KAT2B: variants seen among roughly 807,000 people sequenced by gnomAD.
KAT2B encodes histone acetyltransferase KAT2B.
A neutral mutation model predicts 105.9 loss-of-function variants in KAT2B; 36 were observed. That is an observed-to-expected ratio of 0.34 (90% CI 0.26 to 0.45). The LOEUF (loss-of-function observed/expected upper bound fraction) is 0.45, where lower values mean the gene tolerates loss of function less well. KAT2B is among the 20% of genes least tolerant of loss of function. The pLI is 1.00. For synonymous variants in KAT2B, 397 were observed against 377.9 expected (o/e 1.05, Z -0.59); for missense variants, 820 against 1,021.6 (o/e 0.80, Z 2.69).
chr3:20,050,007 C>G (rs541595016), intron 1 of KAT2B, among the ~76,000 whole-genome samples: 1 of 152,192 alleles, frequency 6.6e-6, no homozygotes, highest in East Asian at 1.9e-4. Context: ...CGAGACCAGC[C>G]TGGGCAACAC....
chr3:20,079,362 G>A (rs1381312727), intron 2 of KAT2B, among the ~76,000 whole-genome samples: 1 of 151,762 alleles, frequency 6.6e-6, no homozygotes, highest in Non-Finnish European at 1.5e-5. Context: ...CCACCACCAT[G>A]CCCGGCTAAT....
chr3:20,097,165 A>G (rs1339437407), intron 3 of KAT2B, among the ~76,000 whole-genome samples: 1 of 152,190 alleles, frequency 6.6e-6, no homozygotes, highest in Non-Finnish European at 1.5e-5. Context: ...AAGAAAAACA[A>G]GGTCTGCCTG....
chr3:20,050,005 G>T (rs376649395), intron 1 of KAT2B, among the ~76,000 whole-genome samples: 38 of 152,198 alleles, frequency 2.5e-4, no homozygotes, highest in East Asian at 2.1e-3. Context: ...TTCGAGACCA[G>T]CCTGGGCAAC....
At chr3:20,143,369 A>C (rs961447215) in intron 13 of KAT2B, among the ~76,000 whole-genome samples, 1 of 152,178 alleles carries the variant, frequency 6.6e-6, no homozygotes, top group African/African-American at 2.4e-5. Flanking sequence ...ATTATTAAGA[A>C]GTTAAAAAAA....
At chr3:20,118,746 AAG>A (rs1188214455) in intron 7 of KAT2B, among the ~76,000 whole-genome samples, 4,119 of 85,168 alleles carry the variant, frequency 0.048, 207 homozygotes, top group African/African-American at 0.095. Flanking sequence ...AAAAAAAAAA[AAG>A]AGAGAGAGCG....
At chr3:20,051,065 T>G (rs1280400894) in intron 1 of KAT2B, among the ~76,000 whole-genome samples, 3 of 151,868 alleles carry the variant, frequency 2.0e-5, no homozygotes, top group Non-Finnish European at 4.4e-5. Flanking sequence ...CTGGGCATGG[T>G]GGCACACACC....
intron 1 of KAT2B, among the ~76,000 whole-genome samples, chr3:20,071,007 TATA>T (rs1200214742): frequency 2.4e-5 from 2 of 83,462 alleles, no homozygotes; most frequent in Non-Finnish European, 4.9e-5. Flanking sequence ...AGACTCTGTA[TATA>T]AAAAAAAAAA....
intron 2 of KAT2B, among the ~76,000 whole-genome samples, chr3:20,083,699 A>T (rs1332234971): frequency 6.6e-6 from 1 of 152,154 alleles, no homozygotes; most frequent in Non-Finnish European, 1.5e-5. Flanking sequence ...ATTCCAATGG[A>T]AGAAAGGTAG....
intron 2 of KAT2B, among the ~76,000 whole-genome samples, chr3:20,093,318 C>G (rs889724628): frequency 5.3e-5 from 8 of 152,190 alleles, no homozygotes; most frequent in Non-Finnish European, 1.5e-5. Context: ...TGGTGTAGAA[C>G]ACTTACCTCA....
rs932334517 is a variant in KAT2B at position 20,111,966 on chromosome 3, T to C, written c.1043+179T>C. Among the ~76,000 whole-genome samples the C allele has an allele frequency of 2.6e-5, 4 of 152,214 alleles. 1 individual carries two copies. Among genetic ancestry groups the C allele is most frequent in the Admixed American group, 2.0e-4 (3 of 15,280 alleles). The stretch of plus-strand genomic sequence containing the variant: ...TCTTGGGTATTTTCCAGTCCATTTA[T>C]TAGCCTGACTTTGGGTTGACTGCCG... On this transcript the variant is annotated intron_variant, in intron 6 of 17. Transcript: ENST00000263754.
Position 20,146,398 on chromosome 3 carries a change from G to T in KAT2B, c.2087G>T (p.Arg696Leu). ...CTTTCATGTTTTAAAGATGGAGTTC[G>T]ACAGATTCCTATAGAAAGCATTCCT... ...PGLSCFKDGV[R>L]QIPIESIPGI... The change falls in exon 14 of 18, where the codon CGA becomes CTA. Residue 696 changes from arginine to leucine, a missense_variant. This residue lies in a region of KAT2B where 227 missense variants were observed against 292.9 expected (regional missense o/e 0.77). Coordinates refer to ENST00000263754, the MANE Select transcript of KAT2B (RefSeq NM_003884.5). The T allele has an allele frequency of 6.2e-7, 1 of 1,612,418 alleles. No homozygotes were observed. The highest frequency in any genetic ancestry group is 1.1e-5 in the South Asian group (1 of 91,014).
chr3:20,047,377 C>G (rs1364598838), intron 1 of KAT2B, among the ~76,000 whole-genome samples: 2 of 151,252 alleles, frequency 1.3e-5, no homozygotes, highest in African/African-American at 4.9e-5. Context: ...TAGCCTAAAC[C>G]AATGCTTTTA....
At chr3:20,100,025 T>C in intron 4 of KAT2B, 71 bp downstream of exon 4, 1 of 819,006 alleles carries the variant, frequency 1.2e-6, no homozygotes, top group Non-Finnish European at 2.1e-6. Flanking sequence ...TCCTTTTATA[T>C]CTCTATCTAC....
chr3:20,126,230 G>T, intron 10 of KAT2B, 117 bp downstream of exon 10: 1 of 807,254 alleles, frequency 1.2e-6, no homozygotes. Flanking sequence ...CTGTCTTGCT[G>T]TGGATACAGA....
intron 11 of KAT2B, among the ~76,000 whole-genome samples, chr3:20,127,755 G>C (rs1006609140): frequency 6.6e-6 from 1 of 152,136 alleles, no homozygotes; most frequent in Non-Finnish European, 1.5e-5. Flanking sequence ...ATTTTTCCAC[G>C]GGTCAGATTA....
intron 1 of KAT2B, among the ~76,000 whole-genome samples, chr3:20,055,195 T>C (rs1409486255): frequency 6.6e-6 from 1 of 152,052 alleles, no homozygotes; most frequent in Admixed American, 6.6e-5. Flanking sequence ...TGTGTGACTA[T>C]GGGGAGGTTA....
At chr3:20,103,686 T>C (rs1160265773) in intron 5 of KAT2B, among the ~76,000 whole-genome samples, 2 of 152,116 alleles carry the variant, frequency 1.3e-5, no homozygotes, top group Admixed American at 6.5e-5. Flanking sequence ...TGAGATTACA[T>C]GTGTGAGTCA....
In KAT2B at chr3:20,152,495, A is replaced by G. The variant is rs1448888975; in HGVS notation, c.2469A>G (p.Lys823=). 9 of 1,613,218 alleles carry G rather than the reference A, an allele frequency of 5.6e-6. No individual in the cohort carries two copies. Among genetic ancestry groups the G allele is most frequent in the Non-Finnish European group, 6.8e-6 (8 of 1,179,448 alleles). Residue 823 remains lysine, a synonymous_variant, in exon 18 of 18, where the codon AAA becomes AAG. Transcript: ENST00000263754. ...ANILEKFFFS[K]IKEAGLIDK ...TCCTGGAGAAATTCTTCTTCAGTAA[A>G]ATTAAGGAAGCTGGATTAATTGACA...
At chr3:20,041,719 GC>G (rs1697723048) in intron 1 of KAT2B, among the ~76,000 whole-genome samples, 1 of 152,114 alleles carries the variant, frequency 6.6e-6, no homozygotes. Flanking sequence ...GCGGCCTGTG[GC>G]TGAGGCAGGG....
Sources: gnomAD v4.1 joint callset for allele counts (sites outside exome capture counted in the v4.1 genomes callset) on GRCh38, gnomAD v4.1.1 for gene constraint, gnomAD v4.1.1 regional missense constraint, MANE v1.5 for transcripts, NCBI Gene and HGNC (gene_info 2026-07-23, HGNC 2026-07-21) for gene names.